CBFA2T2: variants seen among roughly 807,000 people sequenced by gnomAD.
The protein encoded by CBFA2T2 is protein CBFA2T2.
A neutral mutation model predicts 62.2 loss-of-function variants in CBFA2T2; 11 were observed. That is an observed-to-expected ratio of 0.18 (90% CI 0.11 to 0.29). The LOEUF is 0.29. CBFA2T2 is among the 10% of genes least tolerant of loss of function. The pLI, the probability that CBFA2T2 is intolerant of heterozygous loss-of-function variation, is 1.00. For synonymous variants in CBFA2T2, 295 were observed against 287.5 expected, an observed-to-expected ratio of 1.03 and a Z score of -0.27; for missense variants, 592 against 774.1, an observed-to-expected ratio of 0.76 and a Z score of 2.79.
intron 8 of CBFA2T2, among the ~76,000 whole-genome samples, chr20:33,633,043 G>C (rs976200994): frequency 1.3e-5 from 2 of 151,986 alleles, no homozygotes; most frequent in Non-Finnish European, 2.9e-5. Flanking sequence ...ACAGACATAA[G>C]CTACCATGCC....
intron 1 of CBFA2T2, among the ~76,000 whole-genome samples, chr20:33,599,822 G>A (rs2015043773): frequency 6.6e-6 from 1 of 152,122 alleles, no homozygotes. Context: ...TTGAACTCCT[G>A]ACCTCAGGTG....
chr20:33,623,088 C>T (rs745535859), intron 4 of CBFA2T2, 27 bp from the exon 5 acceptor site: 3 of 1,613,382 alleles, frequency 1.9e-6, no homozygotes, highest in Non-Finnish European at 2.5e-6. Flanking sequence ...GGGCCTAACA[C>T]TGGAAAAACT....
intron 6 of CBFA2T2, among the ~76,000 whole-genome samples, chr20:33,626,576 C>T (rs1023192494): frequency 2.6e-4 from 40 of 152,194 alleles, no homozygotes; most frequent in African/African-American, 8.7e-4. Flanking sequence ...TTGTCATGTA[C>T]TCTTACACGT....
Position 33,613,033 on chromosome 20 carries a change from C to T in CBFA2T2, c.420+1698C>T, listed in dbSNP as rs547168675. 8.5e-5 allele frequency among the ~76,000 whole-genome samples: 13 copies of T among 152,326 alleles called. No individual in the cohort carries two copies. In the East Asian group the frequency reaches 2.5e-3, roughly 29 times the overall value. On this transcript the variant is annotated intron_variant, in intron 3 of 10. Transcript: ENST00000342704. ...GCCCAGGAAAGCTATGTTTGCACCA[C>T]TGCACTTCCAGCCTAGGTGACAGAG...
chr20:33,597,124 G>A (rs2014928025), intron 1 of CBFA2T2, among the ~76,000 whole-genome samples: 1 of 151,658 alleles, frequency 6.6e-6, no homozygotes. Flanking sequence ...TGGAGCCGGG[G>A]TCTTGCCATC....
intron 1 of CBFA2T2, among the ~76,000 whole-genome samples, chr20:33,504,403 CTTTTT>C (rs533648842): frequency 8.5e-6 from 1 of 117,552 alleles, no homozygotes; most frequent in Admixed American, 9.5e-5. Flanking sequence ...TCATATTTAA[CTTTTT>C]TTTTTTTTTT....
chr20:33,587,113 A>G (rs959771188), intron 1 of CBFA2T2, among the ~76,000 whole-genome samples: 1 of 150,162 alleles, frequency 6.7e-6, no homozygotes, highest in Non-Finnish European at 1.5e-5. Flanking sequence ...GGCGAATTCG[A>G]TGGCATCTTT....
chr20:33,612,456 G>A (rs909044790), intron 3 of CBFA2T2, among the ~76,000 whole-genome samples: 4 of 152,166 alleles, frequency 2.6e-5, no homozygotes, highest in African/African-American at 7.2e-5. Flanking sequence ...CCTTTCTGGA[G>A]ATCCAGAAGG....
Position 33,490,125 on chromosome 20 carries a change from TG to T in CBFA2T2, c.-141del. ...GCGGCGGCGACGGCGACAGCAGCGGTGGTGGTGTCTGGTTAGCTCGGCGGCT... is the reference window on the plus strand; with the variant it reads ...GCGGCGGCGACGGCGACAGCAGCGGTGTGGTGTCTGGTTAGCTCGGCGGCT... On this transcript the variant is annotated 5_prime_UTR_variant, in exon 1 of 11. Transcript: ENST00000342704. The T allele has an allele frequency of 1.5e-6, 1 of 650,468 alleles. No homozygotes were observed. The highest frequency in any genetic ancestry group is 2.0e-6 in the Non-Finnish European group (1 of 488,994). The allele number at this position is 650,468 out of a possible 1,614,324, so 40.3% of individuals were successfully genotyped here. A position where few individuals can be genotyped will look rare whatever the true frequency, so the allele number is the denominator to read the frequency against.
chr20:33,503,389 G>T (rs1040010482), intron 1 of CBFA2T2, among the ~76,000 whole-genome samples: 1 of 151,174 alleles, frequency 6.6e-6, no homozygotes, highest in Admixed American at 6.6e-5. Context: ...CGACTAGCTG[G>T]GATTACAGGC....
intron 7 of CBFA2T2, 145 bp from the exon 8 acceptor site, chr20:33,629,574 C>A: frequency 1.4e-6 from 1 of 736,880 alleles, no homozygotes. Flanking sequence ...AAACAGACAG[C>A]AATAAAGGTT....
chr20:33,578,746 G>C (rs1029268830), intron 1 of CBFA2T2, among the ~76,000 whole-genome samples: 2 of 152,184 alleles, frequency 1.3e-5, no homozygotes, highest in Non-Finnish European at 2.9e-5. Flanking sequence ...TCCCACATCT[G>C]TTATTGATTA....
rs1417766539 is a variant in CBFA2T2, at chr20:33,647,195, TCA to T, written c.*2552_*2553del. 3.7e-4 allele frequency: 57 copies of T among 152,368 alleles called. No homozygotes were observed. The highest frequency in any genetic ancestry group is 1.3e-3 in the African/African-American group (53 of 41,582). The allele number at this position is 152,368 out of a possible 1,614,324, so 9.4% of individuals were successfully genotyped here. ...CACATTTGCATGAGACATGGCTGTC[TCA>T]CAGGTCACAGAGCCATTACAACAGC... On this transcript the variant is annotated 3_prime_UTR_variant, in exon 11 of 11. Coordinates refer to ENST00000342704, the MANE Select transcript of CBFA2T2 (RefSeq NM_001032999.3).
chr20:33,525,406 G>A (rs997926372), intron 1 of CBFA2T2, among the ~76,000 whole-genome samples: 10 of 151,656 alleles, frequency 6.6e-5, no homozygotes, highest in East Asian at 1.9e-4. Flanking sequence ...GGCTGGTCTC[G>A]AACTCCCGAC....
intron 3 of CBFA2T2, among the ~76,000 whole-genome samples, chr20:33,615,374 T>C (rs1280193083): frequency 6.6e-6 from 1 of 152,212 alleles, no homozygotes; most frequent in Admixed American, 6.5e-5. Context: ...AGTTTGGCAA[T>C]GTTTCTGGTA....
intron 1 of CBFA2T2, among the ~76,000 whole-genome samples, chr20:33,523,944 A>T (rs1180066043): frequency 1.3e-5 from 2 of 151,828 alleles, no homozygotes; most frequent in Non-Finnish European, 2.9e-5. Context: ...TCGGCCTCCC[A>T]AAGTGCTGAG....
chr20:33,554,441 G>A (rs2146887243), intron 1 of CBFA2T2, among the ~76,000 whole-genome samples: 2 of 151,418 alleles, frequency 1.3e-5, no homozygotes, highest in East Asian at 3.9e-4. Context: ...TAGAGACGGG[G>A]TTTCACCATG....
At chr20:33,574,391 C>T (rs2013722517) in intron 1 of CBFA2T2, 3 of 717,512 alleles carry the variant, frequency 4.2e-6, no homozygotes, top group African/African-American at 1.8e-5. Flanking sequence ...TTTGGGAGGC[C>T]AAGGCGGGTG....
chr20:33,631,617 A>G (rs2016454394), intron 8 of CBFA2T2, among the ~76,000 whole-genome samples: 1 of 151,006 alleles, frequency 6.6e-6, no homozygotes, highest in Non-Finnish European at 1.5e-5. Flanking sequence ...CATGACCACT[A>G]CTCACCTTTC....
Sources: allele counts gnomAD v4.1 joint callset (sites outside exome capture counted in the v4.1 genomes callset), GRCh38; gene constraint gnomAD v4.1.1; transcripts MANE v1.5; gene names NCBI Gene and HGNC (gene_info 2026-07-23, HGNC 2026-07-21).